The following NRAP variants were observed in gnomAD, a reference collection of about 807,000 sequenced individuals.
The protein encoded by NRAP is nebulin-related-anchoring protein.
In NRAP, 189 loss-of-function variants were observed where a neutral mutation model predicts 225.9. That is an observed-to-expected ratio of 0.84 (90% CI 0.74 to 0.94). The LOEUF (loss-of-function observed/expected upper bound fraction) is 0.94. Ranked by LOEUF, NRAP falls within the 40% of genes least tolerant of loss-of-function variation. NRAP has a pLI of 0.00. For missense variants in NRAP, 2,176 were observed against 2,168.7 expected, an observed-to-expected ratio of 1.00 and a Z score of -0.07; for synonymous variants, 769 against 790.7, an observed-to-expected ratio of 0.97 and a Z score of 0.46.
In NRAP at chr10:113,597,166, G is replaced by T. The variant is rs779945176; in HGVS notation, c.4351C>A (p.Pro1451Thr). 10 of 1,609,960 alleles carry T rather than the reference G, an allele frequency of 6.2e-6. No individual in the cohort carries two copies. The highest frequency in any genetic ancestry group is 4.5e-5 in the East Asian group (2 of 44,876). The part of the protein sequence containing the change: ...LISETKYRKK[P>T]DSIKFTTVVD... Reference sequence around the variant, plus strand: ...ACTGTGGTGAACTTGATACTGTCTGGTTTTTTACGGTACTTGGTCTATAAG... The same window carrying T: ...ACTGTGGTGAACTTGATACTGTCTGTTTTTTTACGGTACTTGGTCTATAAG... Residue 1451 changes from proline (P) to threonine (T), a missense_variant, in exon 37 of 42, where the codon CCA (proline) becomes ACA (threonine). Around this residue, in one of 3 missense-constraint regions of NRAP, gnomAD observed 445 missense variants for 426.1 expected, o/e 1.04. Coordinates refer to ENST00000359988, the MANE Select transcript of NRAP (RefSeq NM_198060.4).
chr10:113,622,175 C>T lies in NRAP; in HGVS notation c.2463G>A (p.Lys821=). The change falls in exon 24 of 42, where the codon AAG becomes AAA. Residue 821 remains lysine, a synonymous_variant. Transcript: ENST00000359988. ...TGGATCTCTCATAATCCTCCTTGTA[C>T]TTCACCTAAATAAGAGGAATAGAGC... ...KAKRDLASEV[K]YKEDYERSRG... 1 of 1,609,264 alleles carries T rather than the reference C, an allele frequency of 6.2e-7. No homozygotes were observed. Among genetic ancestry groups the T allele is most frequent in the Non-Finnish European group, 8.5e-7 (1 of 1,175,864 alleles).
intron 9 of NRAP, 25 bp from the exon 10 acceptor site, chr10:113,647,052 G>A: frequency 2.8e-6 from 4 of 1,451,330 alleles, no homozygotes; most frequent in Non-Finnish European, 3.9e-6. Context: ...AAAAACTTCA[G>A]TGAGTAATGC....
chr10:113,607,284 C>T (rs1847033266), intron 32 of NRAP, among the ~76,000 whole-genome samples: 1 of 150,506 alleles, frequency 6.6e-6, no homozygotes, highest in African/African-American at 2.4e-5. Context: ...CGCCTGTAAC[C>T]CCAGGTACTC....
chr10:113,653,919 A>G (rs754279384), intron 5 of NRAP, 102 bp downstream of exon 5: 21 of 769,402 alleles, frequency 2.7e-5, no homozygotes, highest in Non-Finnish European at 4.2e-5. Context: ...TGGGGATGAT[A>G]GCATCATTCT....
intron 6 of NRAP, 27 bp from the exon 7 acceptor site, chr10:113,651,934 G>C: frequency 6.8e-7 from 1 of 1,460,260 alleles, no homozygotes; most frequent in Non-Finnish European, 9.6e-7. Flanking sequence ...AGAGTCAAGG[G>C]TGCACCCACC....
rs1845744600 is a variant in NRAP, at chr10:113,588,885, T to C, written c.*90A>G. The stretch of plus-strand genomic sequence containing the variant: ...AGATCTGGGATGGGCTGGTGGGCCA[T>C]TCCAGCTTGCCGAAATCAAAGCCAT... On this transcript the variant is annotated 3_prime_UTR_variant, in exon 42 of 42. Coordinates refer to ENST00000359988, the MANE Select transcript of NRAP (RefSeq NM_198060.4). 2.1e-6 allele frequency: 2 copies of C among 951,862 alleles called. No homozygotes were observed. Among genetic ancestry groups the C allele is most frequent in the African/African-American group, 3.2e-5 (2 of 61,932 alleles). 59.0% of individuals were successfully genotyped at this position (951,862 alleles called of 1,614,324 possible). A position where few individuals can be genotyped will look rare whatever the true frequency, so the allele number is the denominator to read the frequency against.
chr10:113,602,033 G>T (rs1437569150), intron 35 of NRAP, among the ~76,000 whole-genome samples: 1 of 152,090 alleles, frequency 6.6e-6, no homozygotes, highest in Non-Finnish European at 1.5e-5. Flanking sequence ...CTACAGGTGT[G>T]CACCACCACA....
At chr10:113,633,623 C>T (rs1848696085) in intron 15 of NRAP, among the ~76,000 whole-genome samples, 1 of 152,174 alleles carries the variant, frequency 6.6e-6, no homozygotes, top group Admixed American at 6.5e-5. Flanking sequence ...AATACGGCAT[C>T]ATCCGAGAAG....
chr10:113,638,491 A>G (rs1564743521), intron 14 of NRAP, among the ~76,000 whole-genome samples: 1 of 152,214 alleles, frequency 6.6e-6, no homozygotes, highest in Admixed American at 6.5e-5. Context: ...AGAGACCACA[A>G]TTGTTCTTGT....
chr10:113,589,760 A>G lies in NRAP; in HGVS notation c.4994T>C (p.Val1665Ala). ...YKSDLNLTRGVGWTPPGSYKV... is the reference protein window; with the variant it reads ...YKSDLNLTRGAGWTPPGSYKV... ...GTAGGAGCCAGGAGGGGTCCAGCCAACACCTCTGGTCAGGTTCAAGTCTGA... is the reference window on the plus strand; with the variant it reads ...GTAGGAGCCAGGAGGGGTCCAGCCAGCACCTCTGGTCAGGTTCAAGTCTGA... The change falls in exon 41 of 42, where the codon GTT (valine) becomes GCT (alanine). Residue 1665 changes from valine (V) to alanine (A), a missense_variant. Physicochemically the swap from Val to Ala is moderately conservative, Grantham distance 64. This residue lies in a region of NRAP where 445 missense variants were observed against 426.1 expected (regional missense o/e 1.04). Transcript: ENST00000359988. 1.2e-6 allele frequency: 2 copies of G among 1,614,168 alleles called. No individual in the cohort carries two copies. The highest frequency in any genetic ancestry group is 1.7e-6 in the Non-Finnish European group (2 of 1,180,014).
intron 5 of NRAP, 35 bp downstream of exon 5, chr10:113,653,986 A>G: frequency 7.7e-7 from 1 of 1,303,362 alleles, no homozygotes; most frequent in Non-Finnish European, 1.1e-6. Context: ...AGTAATTGCT[A>G]AACCAATTCC....
intron 35 of NRAP, among the ~76,000 whole-genome samples, chr10:113,603,789 C>T (rs1280594214): frequency 1.3e-5 from 2 of 152,106 alleles, no homozygotes; most frequent in African/African-American, 4.8e-5. Context: ...CCTGGAGTTC[C>T]CTATCCCCTT....
chr10:113,606,351 TCCCTCAACGATAGTTGAGGA>T, intron 32 of NRAP, 69 bp from the exon 33 acceptor site: 2 of 959,332 alleles, frequency 2.1e-6, no homozygotes, highest in Non-Finnish European at 3.3e-6. Flanking sequence ...GTGCTGGAAG[TCCCTCAACGATAGTTGAGGA>T]AACACAATAG....
intron 5 of NRAP, among the ~76,000 whole-genome samples, chr10:113,653,383 T>A (rs1188604964): frequency 1.3e-5 from 2 of 152,196 alleles, no homozygotes; most frequent in Admixed American, 6.5e-5. Flanking sequence ...CTAGCAAGAG[T>A]ACTACAGTAT....
chr10:113,637,844 C>T (rs1013532010), intron 14 of NRAP, among the ~76,000 whole-genome samples: 2 of 151,762 alleles, frequency 1.3e-5, no homozygotes, highest in Admixed American at 6.6e-5. Flanking sequence ...ATTGCTTGAA[C>T]CCGGGAGGCA....
chr10:113,643,026 T>G lies in NRAP; in HGVS notation c.1123A>C (p.Lys375Gln), dbSNP rs143383379. 4.6e-5 allele frequency: 71 copies of G among 1,554,418 alleles called. No homozygotes were observed. The highest frequency in any genetic ancestry group is 5.7e-5 in the Non-Finnish European group (64 of 1,125,864). ...NKLVSEVEYK[K>Q]DLESSRGHSI... ...TGACCTCTACTACTTTCCAGATCCT[T>G]CTTATACTCCACCTTGGAAATCAAA... Residue 375 changes from lysine (K) to glutamine (Q), a missense_variant, in exon 12 of 42, where the codon AAG (lysine) becomes CAG (glutamine). Lys to Gln is a moderately conservative substitution (Grantham distance 53, BLOSUM62 1). Transcript: ENST00000359988.
intron 14 of NRAP, among the ~76,000 whole-genome samples, chr10:113,638,467 A>T (rs1849007250): frequency 6.6e-6 from 1 of 152,222 alleles, no homozygotes; most frequent in Admixed American, 6.5e-5. Context: ...ACCACCTTTA[A>T]GATTACCAGA....
rs574450557 is a variant in NRAP at position 113,640,340 on chromosome 10, G to T, written c.1324-9C>A. 2.0e-5 allele frequency: 29 copies of T among 1,464,806 alleles called. No homozygotes were observed. Among genetic ancestry groups the T allele is most frequent in the South Asian group, 1.5e-4 (12 of 81,772 alleles). 90.7% of individuals were successfully genotyped at this position (1,464,806 alleles called of 1,614,324 possible). On this transcript the variant is annotated splice_polypyrimidine_tract_variant and intron_variant, in intron 13 of 41. Transcript: ENST00000359988. Reference sequence around the variant, plus strand: ...TCAGCTTTGTAGGCAACCTAAAACAGGAAGAAAAGAAGAAGAATGGAGAAA... The same window carrying T: ...TCAGCTTTGTAGGCAACCTAAAACATGAAGAAAAGAAGAAGAATGGAGAAA...
At position 113,605,812 on chromosome 10, in the gene NRAP, C is replaced by G. The variant is rs566647918; in HGVS notation, c.3865G>C (p.Glu1289Gln). The G allele has an allele frequency of 6.2e-7, 1 of 1,614,208 alleles. No individual in the cohort carries two copies. Among genetic ancestry groups the G allele is most frequent in the East Asian group, 2.2e-5 (1 of 44,886 alleles). The part of the protein sequence containing the change: ...LRAQGYKLTI[E>Q]ALPFQAARAS... ...CGGGCAGCCTGGAAGGGGAGCGCTT[C>G]TATTGTCAGCTTGTAGCCTTGAGCA... is the stretch of plus-strand genomic sequence containing the variant. The change falls in exon 34 of 42, where the codon GAA (glutamate) becomes CAA (glutamine). Residue 1289 changes from glutamate to glutamine, a missense_variant. Physicochemically the swap from Glu to Gln is conservative, Grantham distance 29. Around this residue, in one of 3 missense-constraint regions of NRAP, gnomAD observed 1,708 missense variants for 1,695.5 expected, o/e 1.01. Coordinates refer to ENST00000359988, the MANE Select transcript of NRAP (RefSeq NM_198060.4).
Sources: allele counts gnomAD v4.1 joint callset (sites outside exome capture counted in the v4.1 genomes callset), GRCh38; gene constraint gnomAD v4.1.1; regional missense constraint gnomAD v4.1.1; transcripts MANE v1.5; gene names NCBI Gene and HGNC (gene_info 2026-07-23, HGNC 2026-07-21).